PNPLA7: variants seen among roughly 807,000 people sequenced by gnomAD.
PNPLA7 encodes the protein patatin like domain 7, lysophospholipase, also known as patatin-like phospholipase domain-containing protein 7.
In PNPLA7, 153 loss-of-function variants were observed where a neutral mutation model predicts 161.7. The ratio of observed to expected loss-of-function variants is 0.95; its 90% CI spans 0.83 to 1.08. The LOEUF (loss-of-function observed/expected upper bound fraction) is 1.08, where lower values mean the gene tolerates loss of function less well. PNPLA7 is among the 50% of genes least tolerant of loss of function. The probability of loss-of-function intolerance (pLI) is 0.00; values close to 1 mark genes in which losing one functional copy is unlikely to be tolerated. For synonymous variants in PNPLA7, 809 were observed against 782.1 expected (o/e 1.03, Z -0.57); for missense variants, 1,739 against 1,856.6 (o/e 0.94, Z 1.16).
Position 137,462,303 on chromosome 9 carries a change from C to T in PNPLA7, c.3521G>A (p.Arg1174His), listed in dbSNP as rs748012409. Residue 1174 changes from arginine (R) to histidine (H), a missense_variant, in exon 31 of 35, where the codon CGC (arginine) becomes CAC (histidine). Arg to His is a conservative substitution (Grantham distance 29). Transcript: ENST00000406427. ...CCGCACGCAACACACGTAGGCCAGGCGCGTCTGAATCTCTGCCATGTTCAA... is the reference window on the plus strand; with the variant it reads ...CCGCACGCAACACACGTAGGCCAGGTGCGTCTGAATCTCTGCCATGTTCAA... ...KVLNMAEIQT[R>H]LAYVCCVRQL... 2.5e-6 allele frequency: 4 copies of T among 1,609,518 alleles called. No homozygotes were observed. The highest frequency in any genetic ancestry group is 4.5e-5 in the East Asian group (2 of 44,840).
intron 10 of PNPLA7, 37 bp downstream of exon 10, chr9:137,521,599 G>A: frequency 6.3e-7 from 1 of 1,598,594 alleles, no homozygotes; most frequent in Non-Finnish European, 8.6e-7. Flanking sequence ...CAGCTGCATG[G>A]AGCAGCATGG....
At chr9:137,534,224 A>C (rs1367608445) in intron 8 of PNPLA7, among the ~76,000 whole-genome samples, 2,108 of 47,496 alleles carry the variant, frequency 0.044, no homozygotes, top group Middle Eastern at 0.11. Flanking sequence ...CCCCCAGACT[A>C]CTCCCCAACA....
intron 25 of PNPLA7, among the ~76,000 whole-genome samples, chr9:137,477,485 C>G (rs1445504979): frequency 6.6e-6 from 1 of 152,040 alleles, no homozygotes; most frequent in African/African-American, 2.4e-5. Flanking sequence ...GAGTCTCGCT[C>G]TGTCGCCAGG....
In PNPLA7 at chr9:137,537,745, G is replaced by A. The variant is rs982109514; in HGVS notation, c.747+2897C>T. On this transcript the variant is annotated intron_variant, in intron 8 of 34. Coordinates refer to ENST00000406427, the MANE Select transcript of PNPLA7 (RefSeq NM_001098537.3). This position sits in a 1 kb window ranked among gnomAD's most constrained non-coding sequence, Gnocchi z 4.5. ...TGAGAGGAACCCGGCCCGTCTCAGCGCACAGCTCCCCTCTCCTGGAACAGG... is the reference window on the plus strand; with the variant it reads ...TGAGAGGAACCCGGCCCGTCTCAGCACACAGCTCCCCTCTCCTGGAACAGG... 6.6e-6 allele frequency among the ~76,000 whole-genome samples: 1 copy of A among 152,134 alleles called. No individual in the cohort carries two copies. The highest frequency in any genetic ancestry group is 1.5e-5 in the Non-Finnish European group (1 of 68,028).
intron 8 of PNPLA7, among the ~76,000 whole-genome samples, chr9:137,526,261 G>T (rs1172692111): frequency 6.6e-6 from 1 of 152,084 alleles, no homozygotes; most frequent in Non-Finnish European, 1.5e-5. Context: ...CACTCTGTGG[G>T]TCTCTTGACT....
At chr9:137,535,842 T>G (rs1835858842) in intron 8 of PNPLA7, among the ~76,000 whole-genome samples, 1 of 150,128 alleles carries the variant, frequency 6.7e-6, no homozygotes, top group South Asian at 2.1e-4. Flanking sequence ...GAAAATAAAG[T>G]TGAAAAAATC....
rs1833363830 is a variant in PNPLA7 at position 137,500,843 on chromosome 9, C to G, written c.1605G>C (p.Lys535Asn). The change falls in exon 16 of 35, where the codon AAG becomes AAC. Residue 535 changes from lysine (K) to asparagine (N), a missense_variant. Around this residue, in one of 6 missense-constraint regions of PNPLA7, gnomAD observed 481 missense variants for 450.0 expected, o/e 1.07. Transcript: ENST00000406427. This position sits in a 1 kb window ranked among gnomAD's most constrained non-coding sequence, Gnocchi z 5.5. ...VSGLLHVYQR[K>N]IGSQEDTCLF... is the part of the protein sequence containing the mutation. ...AGCAGGTGTCCTCCTGGCTGCCGAT[C>G]TTCCGCTGGTACACGTGCAGCAGCC... The G allele has an allele frequency of 1.9e-6, 3 of 1,598,112 alleles. No individual in the cohort carries two copies. Among genetic ancestry groups the G allele is most frequent in the Non-Finnish European group, 2.6e-6 (3 of 1,174,400 alleles).
intron 11 of PNPLA7, chr9:137,516,336 G>C (rs550471924): frequency 1.0e-6 from 1 of 984,388 alleles, no homozygotes; most frequent in African/African-American, 1.8e-5. Context: ...TGGCCTTGCC[G>C]ACCACACAGG....
rs190192480 is a variant in PNPLA7, at chr9:137,530,414, G to T, written c.748-7557C>A. 2.1e-4 allele frequency among the ~76,000 whole-genome samples: 32 copies of T among 152,302 alleles called. 1 individual carries two copies. Among genetic ancestry groups the T allele is most frequent in the African/African-American group, 7.7e-4 (32 of 41,570 alleles). ...ATCCACACACTCTCTCTGGCCCTTG[G>T]GGGCCCTTCTTCTGGTGCTTTTGGA... is the stretch of plus-strand genomic sequence containing the variant. On this transcript the variant is annotated intron_variant, in intron 8 of 34. Transcript: ENST00000406427.
intron 8 of PNPLA7, among the ~76,000 whole-genome samples, chr9:137,531,236 G>A (rs546304816): frequency 6.0e-4 from 92 of 152,168 alleles, no homozygotes; most frequent in African/African-American, 2.1e-3. Flanking sequence ...CCCACCAACC[G>A]CATCAGCTGG....
intron 4 of PNPLA7, among the ~76,000 whole-genome samples, chr9:137,545,873 T>A (rs575556596): frequency 6.6e-6 from 1 of 152,158 alleles, no homozygotes; most frequent in South Asian, 2.1e-4. Flanking sequence ...GACCGTGATC[T>A]AGCGGTAGCG....
rs1836213752 is a variant in PNPLA7 at position 137,541,712 on chromosome 9, A to G, written c.666+930T>C. On this transcript the variant is annotated intron_variant, in intron 7 of 34. Transcript: ENST00000406427. The surrounding 1 kb of genome is among the most constrained non-coding windows in gnomAD (Gnocchi z 4.4). Reference sequence around the variant, plus strand: ...GGGTCTGGCCCAGCACCCACCCCCGAGCAGCGATTCAAAGGGTGGAATTTA... The same window carrying G: ...GGGTCTGGCCCAGCACCCACCCCCGGGCAGCGATTCAAAGGGTGGAATTTA... Among the ~76,000 whole-genome samples, 1 of 152,134 alleles carries G rather than the reference A, an allele frequency of 6.6e-6. No homozygotes were observed. Among genetic ancestry groups the G allele is most frequent in the African/African-American group, 2.4e-5 (1 of 41,426 alleles).
intron 30 of PNPLA7, 83 bp from the exon 31 acceptor site, chr9:137,462,414 G>T: frequency 1.3e-6 from 2 of 1,516,486 alleles, no homozygotes; most frequent in Non-Finnish European, 1.8e-6. Context: ...ACAGGTTCTG[G>T]GGACCCATCC....
At position 137,543,644 on chromosome 9, in the gene PNPLA7, C is replaced by T. The variant is rs939903573; in HGVS notation, c.366-72G>A. The T allele has an allele frequency of 6.2e-7, 1 of 1,608,950 alleles. No individual in the cohort carries two copies. On this transcript the variant is annotated intron_variant, in intron 5 of 34. Coordinates refer to ENST00000406427, the MANE Select transcript of PNPLA7 (RefSeq NM_001098537.3). This position sits in a 1 kb window ranked among gnomAD's most constrained non-coding sequence, Gnocchi z 6.9. ...AAACCCACAGCATCAGTGGCTGACA[C>T]ACCAGGCAGCTCAGGGTTGGGGAGG...
At chr9:137,502,626 G>A (rs1324684588) in intron 14 of PNPLA7, among the ~76,000 whole-genome samples, 1 of 114,950 alleles carries the variant, frequency 8.7e-6, no homozygotes, top group South Asian at 3.1e-4. Context: ...TTCAGGAGAA[G>A]AAAGCGGCCT....
At position 137,540,899 on chromosome 9, in the gene PNPLA7, G is replaced by A. The variant is rs113957010; in HGVS notation, c.667-177C>T. The A allele has an allele frequency of 8.4e-6, 5 of 594,578 alleles. No homozygotes were observed. The highest frequency in any genetic ancestry group is 3.7e-5 in the African/African-American group (2 of 53,914). 36.8% of individuals were successfully genotyped at this position (594,578 alleles called of 1,614,324 possible). A position where few individuals can be genotyped will look rare whatever the true frequency, so the allele number is the denominator to read the frequency against. ...GACAAGATGGACCTGCTGGCATCAG[G>A]GGTACAACACACAGGAAGCGGCAGC... On this transcript the variant is annotated intron_variant, in intron 7 of 34. Coordinates refer to ENST00000406427, the MANE Select transcript of PNPLA7 (RefSeq NM_001098537.3). This position sits in a 1 kb window ranked among gnomAD's most constrained non-coding sequence, Gnocchi z 5.1.
At chr9:137,518,915 TCC>T (rs1406929997) in intron 11 of PNPLA7, among the ~76,000 whole-genome samples, 1 of 123,176 alleles carries the variant, frequency 8.1e-6, no homozygotes, top group Non-Finnish European at 1.7e-5. Context: ...GCTCACTCCA[TCC>T]CCCACTCACT....
In PNPLA7 at chr9:137,480,941, C is replaced by A; in HGVS notation, c.2411+19G>T. The A allele has an allele frequency of 6.4e-7, 1 of 1,550,966 alleles. No homozygotes were observed. The highest frequency in any genetic ancestry group is 8.7e-7 in the Non-Finnish European group (1 of 1,146,714). Reference sequence around the variant, plus strand: ...GTTGGGCCGGCTGGGAGGAAGGAGTCGGGGCTGGCGGCACGCACCTGTCCA... The same window carrying A: ...GTTGGGCCGGCTGGGAGGAAGGAGTAGGGGCTGGCGGCACGCACCTGTCCA... On this transcript the variant is annotated intron_variant, in intron 22 of 34. Coordinates refer to ENST00000406427, the MANE Select transcript of PNPLA7 (RefSeq NM_001098537.3).
intron 25 of PNPLA7, among the ~76,000 whole-genome samples, chr9:137,470,016 T>C (rs141726382): frequency 1.3e-5 from 2 of 152,286 alleles, no homozygotes; most frequent in East Asian, 1.9e-4. Context: ...TAAATAAATT[T>C]AATCTATTTA....
Sources: gnomAD v4.1 joint callset for allele counts (sites outside exome capture counted in the v4.1 genomes callset) on GRCh38, gnomAD v4.1.1 for gene constraint, gnomAD v4.1.1 regional missense constraint, Gnocchi (gnomAD v3.1) non-coding constraint, MANE v1.5 for transcripts, NCBI Gene and HGNC (gene_info 2026-07-23, HGNC 2026-07-21) for gene names.